The following ROBO2 variants were observed in gnomAD, a reference collection of about 807,000 sequenced individuals.
The protein encoded by ROBO2 is roundabout homolog 2.
A neutral mutation model predicts 160.8 loss-of-function variants in ROBO2; 53 were observed. The ratio of observed to expected loss-of-function variants is 0.33; its 90% CI spans 0.26 to 0.41. The LOEUF is 0.41. Ranked by LOEUF, ROBO2 falls within the 10% of genes least tolerant of loss-of-function variation. The pLI is 1.00. For missense variants in ROBO2, 1,577 were observed against 1,722.4 expected (o/e 0.92, Z 1.49); for synonymous variants, 664 against 611.7 (o/e 1.09, Z -1.26).
chr3:77,480,588 A>G (rs1296036659), intron 3 of ROBO2, among the ~76,000 whole-genome samples: 1 of 152,182 alleles, frequency 6.6e-6, no homozygotes, highest in Non-Finnish European at 1.5e-5. Context: ...AAGATGATTA[A>G]TATTAACAGT....
chr3:76,029,674 T>C (rs1218165918), intron 2 of ROBO2, among the ~76,000 whole-genome samples: 1 of 152,166 alleles, frequency 6.6e-6, no homozygotes, highest in Non-Finnish European at 1.5e-5. Flanking sequence ...GCTTCATCCA[T>C]GTCCCTACAA....
intron 2 of ROBO2, among the ~76,000 whole-genome samples, chr3:76,817,717 C>T (rs1203040891): frequency 1.3e-5 from 2 of 151,914 alleles, no homozygotes; most frequent in African/African-American, 2.4e-5. Flanking sequence ...CACAGCTTAG[C>T]TCCGAATTAT....
chr3:77,231,363 CAAAAAAAAAA>C (rs60535204), intron 2 of ROBO2, among the ~76,000 whole-genome samples: 18 of 59,666 alleles, frequency 3.0e-4, no homozygotes, highest in South Asian at 9.0e-4. Context: ...AGACTCCATC[CAAAAAAAAAA>C]AAAAAAAAAA....
intron 2 of ROBO2, among the ~76,000 whole-genome samples, chr3:76,083,064 T>G (rs935528655): frequency 1.3e-5 from 2 of 152,030 alleles, no homozygotes. Flanking sequence ...TAGGATGAAT[T>G]ATGATGACAT....
intron 2 of ROBO2, among the ~76,000 whole-genome samples, chr3:77,444,323 G>C (rs1360086994): frequency 6.6e-6 from 1 of 152,060 alleles, no homozygotes; most frequent in African/African-American, 2.4e-5. Flanking sequence ...ATATATTTGA[G>C]TATATAATTA....
intron 2 of ROBO2, among the ~76,000 whole-genome samples, chr3:76,878,638 C>T (rs1167591503): frequency 5.9e-5 from 9 of 152,012 alleles, no homozygotes; most frequent in Non-Finnish European, 7.4e-5. Context: ...TGCCAACTAG[C>T]CGTATTTTCT....
Position 76,005,745 on chromosome 3 carries a change from C to T in ROBO2, c.109+68143C>T, listed in dbSNP as rs542218177. On this transcript the variant is annotated intron_variant, in intron 2 of 26. Coordinates refer to the ROBO2 transcript ENST00000487694. ...ACAATATAACACACACTACAAGATT[C>T]CTTACTTTGAATGTTGAATATGTGT... Among the ~76,000 whole-genome samples the T allele has an allele frequency of 9.9e-5, 15 of 152,196 alleles. No individual in the cohort carries two copies. In the South Asian group the frequency reaches 3.1e-3, roughly 32 times the overall value.
chr3:77,516,959 T>C (rs1380154633), intron 5 of ROBO2, among the ~76,000 whole-genome samples: 3 of 151,542 alleles, frequency 2.0e-5, no homozygotes, highest in Non-Finnish European at 4.4e-5. Context: ...GCCTCCAATA[T>C]CTCAGGCACT....
At chr3:77,061,741 A>G (rs1401815717) in intron 1 of ROBO2, among the ~76,000 whole-genome samples, 1 of 152,122 alleles carries the variant, frequency 6.6e-6, no homozygotes, top group Admixed American at 6.5e-5. Context: ...TCCATTTTTG[A>G]GCTTCCCTTG....
intron 5 of ROBO2, among the ~76,000 whole-genome samples, chr3:77,503,508 A>G (rs982202410): frequency 2.7e-5 from 4 of 150,400 alleles, no homozygotes; most frequent in Non-Finnish European, 5.9e-5. Flanking sequence ...TGGGCCACAG[A>G]GAGAGAGTCC....
intron 2 of ROBO2, among the ~76,000 whole-genome samples, chr3:77,431,629 C>A (rs1333131586): frequency 6.6e-6 from 1 of 152,108 alleles, no homozygotes; most frequent in African/African-American, 2.4e-5. Context: ...GTGTTCCCAG[C>A]ATCCAGCTCA....
In ROBO2 at chr3:76,447,891, G is replaced by C. The variant is rs1322990150; in HGVS notation, c.109+510289G>C. Among the ~76,000 whole-genome samples the C allele has an allele frequency of 2.5e-5, 3 of 117,858 alleles. No homozygotes were observed. In the Admixed American group the frequency reaches 3.3e-4, roughly 13 times the overall value. The allele number at this position is 117,858 out of a possible 152,430, so 77.3% of individuals were successfully genotyped here. A position where few individuals can be genotyped will look rare whatever the true frequency, so the allele number is the denominator to read the frequency against. On this transcript the variant is annotated intron_variant, in intron 2 of 26. Transcript: ENST00000487694. ...GGGACATCACACAGCGGGGCCTGTT[G>C]TGGGGTGGGGGGAGGGGGGAGGGAT...
chr3:77,480,126 C>T (rs1401039752), intron 3 of ROBO2, among the ~76,000 whole-genome samples: 1 of 152,044 alleles, frequency 6.6e-6, no homozygotes, highest in Non-Finnish European at 1.5e-5. Context: ...GTTGAAAATT[C>T]CTTTCTAGAA....
At chr3:77,214,159 G>A (rs1163322466) in intron 2 of ROBO2, among the ~76,000 whole-genome samples, 1 of 152,136 alleles carries the variant, frequency 6.6e-6, no homozygotes, top group African/African-American at 2.4e-5. Flanking sequence ...TCGTTTATCT[G>A]TCTAATGTTG....
intron 2 of ROBO2, among the ~76,000 whole-genome samples, chr3:77,003,288 T>G (rs1228459564): frequency 6.6e-6 from 1 of 152,128 alleles, no homozygotes; most frequent in Admixed American, 6.6e-5. Context: ...CACCTCCATA[T>G]CCAGGAAGAA....
At chr3:76,298,998 A>G (rs1486520965) in intron 2 of ROBO2, among the ~76,000 whole-genome samples, 1 of 152,120 alleles carries the variant, frequency 6.6e-6, no homozygotes, top group Admixed American at 6.5e-5. Context: ...AAGTGTCTGC[A>G]TTTCACCCAT....
At chr3:77,634,928 T>G in exon 24 of ROBO2, 1 of 1,614,070 alleles carries the variant, frequency 6.2e-7, no homozygotes, top group Middle Eastern at 1.6e-4. Flanking sequence ...CTACTGACAG[T>G]AACACCAGTG....
At chr3:77,390,783 G>A (rs2074643912) in intron 2 of ROBO2, among the ~76,000 whole-genome samples, 2 of 152,124 alleles carry the variant, frequency 1.3e-5, no homozygotes, top group Non-Finnish European at 2.9e-5. Context: ...CATTATTCCT[G>A]TAAACCCTGC....
intron 2 of ROBO2, among the ~76,000 whole-genome samples, chr3:76,987,940 A>G (rs1029482616): frequency 1.3e-5 from 2 of 152,182 alleles, no homozygotes; most frequent in African/African-American, 4.8e-5. Flanking sequence ...ATTAAGTGAT[A>G]TTAAAATAAT....
Sources: allele counts gnomAD v4.1 joint callset (sites outside exome capture counted in the v4.1 genomes callset), GRCh38; gene constraint gnomAD v4.1.1; transcripts MANE v1.5; gene names NCBI Gene and HGNC (gene_info 2026-07-23, HGNC 2026-07-21).